Variants in CACNA2D3 observed in about 807,000 individuals in gnomAD.
CACNA2D3 encodes voltage-dependent calcium channel subunit alpha-2/delta-3.
In CACNA2D3, 60 loss-of-function variants were observed where a neutral mutation model predicts 160.6. That is an observed-to-expected ratio of 0.37 (90% confidence interval 0.30 to 0.46). The LOEUF (loss-of-function observed/expected upper bound fraction) is 0.46, where lower values mean the gene tolerates loss of function less well. CACNA2D3 is among the 20% of genes least tolerant of loss of function. CACNA2D3 has a pLI of 1.00. For synonymous variants in CACNA2D3, 558 were observed against 492.9 expected (o/e 1.13, Z -1.75); for missense variants, 1,205 against 1,365.0 (o/e 0.88, Z 1.85).
intron 4 of CACNA2D3, among the ~76,000 whole-genome samples, chr3:54,432,349 GACTC>G (rs1305938310): frequency 1.3e-5 from 2 of 152,012 alleles, no homozygotes; most frequent in South Asian, 2.1e-4. Flanking sequence ...CAGATCTCTC[GACTC>G]ACTGTGTGTT....
intron 11 of CACNA2D3, among the ~76,000 whole-genome samples, chr3:54,746,222 CT>C: frequency 6.6e-6 from 1 of 152,182 alleles, no homozygotes; most frequent in Non-Finnish European, 1.5e-5. Context: ...GGTTCCAACC[CT>C]TATCTTCTGC....
chr3:54,718,374 C>G (rs1235822918), intron 11 of CACNA2D3, among the ~76,000 whole-genome samples: 1 of 152,052 alleles, frequency 6.6e-6, no homozygotes, highest in African/African-American at 2.4e-5. Context: ...TTAAGCTTCA[C>G]TATTAAACTT....
In CACNA2D3 at chr3:54,985,602, T is replaced by C. The variant is rs561079793; in HGVS notation, c.2619+932T>C. ...TGTGCAATGAGGATGGTTGACGATA[T>C]AAGGTTTCTTCTAATTCAAATATTT... is the stretch of plus-strand genomic sequence containing the variant. On this transcript the variant is annotated intron_variant, in intron 30 of 37. Coordinates refer to ENST00000474759, the MANE Select transcript of CACNA2D3 (RefSeq NM_018398.3). Among the ~76,000 whole-genome samples the C allele has an allele frequency of 4.8e-4, 73 of 152,346 alleles. 2 individuals are homozygous for C. In the South Asian group the frequency reaches 0.015, roughly 31 times the overall value.
chr3:54,270,208 A>G (rs1033473523), intron 2 of CACNA2D3, among the ~76,000 whole-genome samples: 2 of 152,256 alleles, frequency 1.3e-5, no homozygotes, highest in Non-Finnish European at 2.9e-5. Flanking sequence ...TGTAAATATA[A>G]AAGAGAAAGA....
At chr3:54,904,851 C>T (rs910884153) in intron 27 of CACNA2D3, among the ~76,000 whole-genome samples, 3 of 152,144 alleles carry the variant, frequency 2.0e-5, no homozygotes, top group African/African-American at 7.2e-5. Context: ...GCTAAAACTC[C>T]AGTCCATACT....
At chr3:54,934,266 A>G (rs565914938) in intron 27 of CACNA2D3, among the ~76,000 whole-genome samples, 1 of 152,306 alleles carries the variant, frequency 6.6e-6, no homozygotes, top group Admixed American at 6.5e-5. Context: ...TTCTTTTGAC[A>G]TTAAGATGTA....
chr3:54,821,701 C>CT lies in CACNA2D3; in HGVS notation c.1398+4833dup, dbSNP rs1413412138. 9.3e-4 allele frequency among the ~76,000 whole-genome samples: 63 copies of CT among 67,506 alleles called. 1 individual carries two copies. Among genetic ancestry groups the CT allele is most frequent in the African/African-American group, 2.4e-3 (51 of 21,602 alleles). The allele number at this position is 67,506 out of a possible 152,430, so 44.3% of individuals were successfully genotyped here. ...CTTTCTTTCTTTCTTTCTTTCTTTCCTTCCTTCCTTCTTTCCTCTCTCTCT... is the reference window on the plus strand; with the variant it reads ...CTTTCTTTCTTTCTTTCTTTCTTTCCTTTCCTTCCTTCTTTCCTCTCTCTCT... On this transcript the variant is annotated intron_variant, in intron 14 of 37. Coordinates refer to ENST00000474759, the MANE Select transcript of CACNA2D3 (RefSeq NM_018398.3).
At chr3:54,694,932 C>T (rs34590038) in intron 11 of CACNA2D3, among the ~76,000 whole-genome samples, 37,962 of 152,098 alleles carry the variant, frequency 0.25, 5,092 homozygotes, top group African/African-American at 0.29. Context: ...TTTCTATAAA[C>T]GCTTTTCACA....
chr3:54,160,188 C>A (rs1277577068), intron 2 of CACNA2D3, among the ~76,000 whole-genome samples: 1 of 152,182 alleles, frequency 6.6e-6, no homozygotes, highest in Non-Finnish European at 1.5e-5. Flanking sequence ...TTCAGATGCT[C>A]CCTAGGTCCA....
At chr3:54,426,990 C>G (rs1373351987) in intron 4 of CACNA2D3, among the ~76,000 whole-genome samples, 1 of 152,028 alleles carries the variant, frequency 6.6e-6, no homozygotes, top group Non-Finnish European at 1.5e-5. Context: ...TCTTCTCTCT[C>G]CTTCTCTCTT....
At chr3:54,378,219 G>C (rs534001388) in intron 3 of CACNA2D3, among the ~76,000 whole-genome samples, 70 of 152,282 alleles carry the variant, frequency 4.6e-4, no homozygotes, top group East Asian at 3.9e-4. Context: ...TTTTGCATGG[G>C]GGAGTGAGGG....
At chr3:54,630,643 A>T (rs1575393618) in intron 10 of CACNA2D3, among the ~76,000 whole-genome samples, 1 of 152,320 alleles carries the variant, frequency 6.6e-6, no homozygotes, top group Middle Eastern at 3.4e-3. Context: ...TGTAGAAGTT[A>T]CAGCTCACCA....
At chr3:54,443,845 G>A (rs990137976) in intron 4 of CACNA2D3, among the ~76,000 whole-genome samples, 3 of 152,196 alleles carry the variant, frequency 2.0e-5, no homozygotes, top group Admixed American at 2.0e-4. Context: ...TGACCGCAAA[G>A]TCATCTTTGC....
At chr3:54,666,485 A>G (rs1046615266) in intron 11 of CACNA2D3, among the ~76,000 whole-genome samples, 3 of 152,222 alleles carry the variant, frequency 2.0e-5, no homozygotes, top group Admixed American at 6.5e-5. Flanking sequence ...TTGGAGCGTT[A>G]CTGCCTCAGT....
intron 3 of CACNA2D3, among the ~76,000 whole-genome samples, chr3:54,377,893 ACT>A (rs957910851): frequency 5.9e-5 from 9 of 152,260 alleles, no homozygotes; most frequent in African/African-American, 2.2e-4. Flanking sequence ...AGGAATGGAA[ACT>A]CTCTGCAGGA....
At chr3:54,689,997 A>G (rs1575424993) in intron 11 of CACNA2D3, among the ~76,000 whole-genome samples, 1 of 151,966 alleles carries the variant, frequency 6.6e-6, no homozygotes, top group Non-Finnish European at 1.5e-5. Flanking sequence ...CAACCTCCTT[A>G]CAACTCCTGA....
intron 21 of CACNA2D3, 66 bp from the exon 22 acceptor site, chr3:54,885,215 T>G: frequency 6.4e-7 from 1 of 1,565,442 alleles, no homozygotes; most frequent in Non-Finnish European, 8.8e-7. Flanking sequence ...CCCTAGAATA[T>G]TTGAAGCACA....
Position 54,687,121 on chromosome 3 carries a change from C to CTTTTTCTTTTTCTTTTTCTTTTTCT in CACNA2D3, c.1167+44885_1167+44886insCTTTTTCTTTTTCTTTTTCTTTTTT. On this transcript the variant is annotated intron_variant, in intron 11 of 37. Coordinates refer to ENST00000474759, the MANE Select transcript of CACNA2D3 (RefSeq NM_018398.3). ...AAATCGGATTTTTCTTTTTCTTTTT[C>CTTTTTCTTTTTCTTTTTCTTTTTCT]TTTTTTTTTTTTTGTTTTTTTTTTT... Among the ~76,000 whole-genome samples, 191 of 94,710 alleles carry CTTTTTCTTTTTCTTTTTCTTTTTCT rather than the reference C, an allele frequency of 2.0e-3. 11 individuals carry two copies. Among genetic ancestry groups the CTTTTTCTTTTTCTTTTTCTTTTTCT allele is most frequent in the African/African-American group, 7.4e-3 (183 of 24,794 alleles). 62.1% of individuals were successfully genotyped at this position (94,710 alleles called of 152,430 possible).
chr3:54,682,161 G>GCACGCACACACACA (rs1700363390), intron 11 of CACNA2D3, among the ~76,000 whole-genome samples: 2 of 144,784 alleles, frequency 1.4e-5, no homozygotes, highest in African/African-American at 5.1e-5. Flanking sequence ...AAACAGAACA[G>GCACGCACACACACA]CACACACACA....
Sources: allele counts gnomAD v4.1 joint callset (sites outside exome capture counted in the v4.1 genomes callset), GRCh38; gene constraint gnomAD v4.1.1; transcripts MANE v1.5; gene names NCBI Gene and HGNC (gene_info 2026-07-23, HGNC 2026-07-21).